The following NRG3 variants were observed in gnomAD, a reference collection of about 807,000 sequenced individuals.
NRG3 encodes pro-neuregulin-3, membrane-bound isoform.
NRG3 carries 31 observed loss-of-function variants against 66.9 expected under a neutral mutation model. The observed-to-expected ratio is 0.46, with a 90% CI of 0.35 to 0.63. The LOEUF (loss-of-function observed/expected upper bound fraction) is 0.63. Among genes scored for constraint, NRG3 ranks in the 20% least tolerant of loss-of-function variants. The probability of loss-of-function intolerance (pLI) is 0.00; values close to 1 mark genes in which losing one functional copy is unlikely to be tolerated. For missense variants in NRG3, 910 were observed against 878.9 expected (o/e 1.04, Z -0.45); for synonymous variants, 393 against 359.4 (o/e 1.09, Z -1.06).
rs548667838 is a variant in NRG3, at chr10:82,546,180, G to A, written c.953+187312G>A. Among the ~76,000 whole-genome samples, 212 of 152,240 alleles carry A rather than the reference G, an allele frequency of 1.4e-3. 1 individual carries two copies. Among genetic ancestry groups the A allele is most frequent in the Middle Eastern group, 3.4e-3 (1 of 294 alleles). On this transcript the variant is annotated intron_variant, in intron 2 of 8. Coordinates refer to ENST00000372141, the MANE Select transcript of NRG3 (RefSeq NM_001010848.4). ...TTTTGAAAGTGCATAACAAAATCTT[G>A]TTTTAAGAGAACAGGTGCTAGGGCT...
chr10:82,783,306 A>T (rs2060198377), intron 3 of NRG3, among the ~76,000 whole-genome samples: 1 of 151,022 alleles, frequency 6.6e-6, no homozygotes, highest in Non-Finnish European at 1.5e-5. Flanking sequence ...CAAGACAGGG[A>T]TGCCCTCTCT....
intron 2 of NRG3, among the ~76,000 whole-genome samples, chr10:82,545,889 G>T (rs553035306): frequency 1.4e-5 from 2 of 140,730 alleles, no homozygotes; most frequent in East Asian, 2.3e-4. Flanking sequence ...CCGGGTTCAC[G>T]CCATTCTCCT....
intron 1 of NRG3, among the ~76,000 whole-genome samples, chr10:81,926,954 C>G (rs898107621): frequency 2.6e-5 from 4 of 151,996 alleles, no homozygotes; most frequent in Non-Finnish European, 5.9e-5. Flanking sequence ...CATAAAGGGC[C>G]GAGCATGCTC....
At chr10:82,071,144 A>G (rs1406771016) in intron 1 of NRG3, among the ~76,000 whole-genome samples, 1 of 152,194 alleles carries the variant, frequency 6.6e-6, no homozygotes, top group Non-Finnish European at 1.5e-5. Flanking sequence ...TGATTCAATA[A>G]CTAAATATCC....
intron 1 of NRG3, among the ~76,000 whole-genome samples, chr10:82,020,033 G>T (rs942090159): frequency 4.6e-5 from 7 of 152,118 alleles, no homozygotes; most frequent in Non-Finnish European, 8.8e-5. Context: ...TGATGTTAGG[G>T]TGTCAGTTTT....
intron 1 of NRG3, among the ~76,000 whole-genome samples, chr10:82,128,385 A>G (rs1410209948): frequency 6.6e-6 from 1 of 152,054 alleles, no homozygotes; most frequent in Non-Finnish European, 1.5e-5. Flanking sequence ...AATATGGAAG[A>G]GATACTTTTC....
At chr10:82,017,491 C>T (rs551996085) in intron 1 of NRG3, among the ~76,000 whole-genome samples, 87 of 152,180 alleles carry the variant, frequency 5.7e-4, no homozygotes, top group Non-Finnish European at 2.4e-4. Flanking sequence ...ATTTCTAGTT[C>T]TAGATCCCTG....
chr10:81,914,895 G>T (rs1340830479), intron 1 of NRG3, among the ~76,000 whole-genome samples: 2 of 151,402 alleles, frequency 1.3e-5, no homozygotes, highest in Non-Finnish European at 2.9e-5. Flanking sequence ...CCTCCTTTAT[G>T]TGAGTTATAG....
At chr10:82,477,631 G>A (rs1317463768) in intron 2 of NRG3, among the ~76,000 whole-genome samples, 2 of 152,130 alleles carry the variant, frequency 1.3e-5, no homozygotes, top group East Asian at 3.9e-4. Context: ...ACTGGGCCTT[G>A]TGGAACCTTG....
chr10:82,826,113 A>C (rs1403701102), intron 3 of NRG3, among the ~76,000 whole-genome samples: 1 of 152,208 alleles, frequency 6.6e-6, no homozygotes, highest in East Asian at 1.9e-4. Flanking sequence ...GTTTAAATTA[A>C]ATTTTGATTA....
chr10:82,478,810 A>C (rs1841999203), intron 2 of NRG3, among the ~76,000 whole-genome samples: 1 of 152,232 alleles, frequency 6.6e-6, no homozygotes, highest in Admixed American at 6.5e-5. Flanking sequence ...ATAATTAAAA[A>C]CAATAGACAA....
At chr10:82,955,891 A>C (rs1222000704) in intron 5 of NRG3, among the ~76,000 whole-genome samples, 1 of 151,904 alleles carries the variant, frequency 6.6e-6, no homozygotes, top group African/African-American at 2.4e-5. Context: ...CATCGATATG[A>C]GGCTCTGAAG....
chr10:82,128,669 C>A (rs1252897171), intron 1 of NRG3, among the ~76,000 whole-genome samples: 1 of 152,012 alleles, frequency 6.6e-6, no homozygotes, highest in African/African-American at 2.4e-5. Context: ...TTGTTGATTA[C>A]AAATGCCTTA....
intron 1 of NRG3, among the ~76,000 whole-genome samples, chr10:81,878,904 G>A (rs1170882349): frequency 2.0e-5 from 3 of 152,142 alleles, no homozygotes; most frequent in Non-Finnish European, 4.4e-5. Flanking sequence ...CTGTCTCTTT[G>A]GAGTGGAAGA....
chr10:81,893,981 C>G (rs1290495868), intron 1 of NRG3, among the ~76,000 whole-genome samples: 1 of 152,130 alleles, frequency 6.6e-6, no homozygotes, highest in Non-Finnish European at 1.5e-5. Flanking sequence ...ACGTGTGAAG[C>G]TATCTCTATC....
At chr10:82,364,245 A>G (rs1160572407) in intron 2 of NRG3, among the ~76,000 whole-genome samples, 1 of 152,190 alleles carries the variant, frequency 6.6e-6, no homozygotes, top group Non-Finnish European at 1.5e-5. Flanking sequence ...CAGATTAAGC[A>G]CTACTAAGTC....
intron 4 of NRG3, among the ~76,000 whole-genome samples, chr10:82,882,081 G>A (rs1362219996): frequency 6.6e-6 from 1 of 152,068 alleles, no homozygotes. Context: ...TTAACACGCC[G>A]TGATTGTCCA....
intron 2 of NRG3, among the ~76,000 whole-genome samples, chr10:82,643,904 C>CCA (rs3040199): frequency 6.0e-5 from 9 of 150,028 alleles, no homozygotes; most frequent in South Asian, 4.2e-4. Context: ...ACACACACAC[C>CCA]CACACACACA....
At chr10:82,858,941 A>ATTTT in intron 3 of NRG3, among the ~76,000 whole-genome samples, 3 of 126,392 alleles carry the variant, frequency 2.4e-5, no homozygotes, top group Non-Finnish European at 3.4e-5. Flanking sequence ...CAGTAGTCTA[A>ATTTT]CTTTTTTTTT....
Sources: gnomAD v4.1 joint callset for allele counts (sites outside exome capture counted in the v4.1 genomes callset) on GRCh38, gnomAD v4.1.1 for gene constraint, MANE v1.5 for transcripts, NCBI Gene and HGNC (gene_info 2026-07-23, HGNC 2026-07-21) for gene names.